Variants in RASSF3 observed in about 807,000 individuals in gnomAD.
RASSF3 encodes ras association domain-containing protein 3.
RASSF3 carries 19 observed loss-of-function variants against 19.9 expected under a neutral mutation model. The ratio of observed to expected loss-of-function variants is 0.96; its 90% CI spans 0.67 to 1.40. The LOEUF is 1.40. Among genes scored for constraint, RASSF3 ranks in the 40% most tolerant of loss-of-function variants. The probability of loss-of-function intolerance (pLI) is 0.00; values close to 1 mark genes in which losing one functional copy is unlikely to be tolerated. For synonymous variants in RASSF3, 110 were observed against 104.2 expected (o/e 1.06, Z -0.34); for missense variants, 306 against 289.8 (o/e 1.06, Z -0.41).
chr12:64,643,395 G>A (rs1871614683), intron 1 of RASSF3, among the ~76,000 whole-genome samples: 1 of 152,068 alleles, frequency 6.6e-6, no homozygotes, highest in South Asian at 2.1e-4. Flanking sequence ...AGAAGCCGGT[G>A]AGGTGGCAAG....
chr12:64,618,643 GT>G (rs200829597), intron 1 of RASSF3, among the ~76,000 whole-genome samples: 1 of 150,462 alleles, frequency 6.6e-6, no homozygotes, highest in African/African-American at 2.4e-5. Flanking sequence ...TTTTGTTTTT[GT>G]TTTTTTTAAA....
At chr12:64,600,263 C>G (rs1210891882) in intron 2 of RASSF3, among the ~76,000 whole-genome samples, 1 of 152,074 alleles carries the variant, frequency 6.6e-6, no homozygotes, top group Non-Finnish European at 1.5e-5. Context: ...CCAGACCAGG[C>G]TGGGCAGCAT....
At chr12:64,605,677 G>T (rs1006946554), upstream of RASSF3, among the ~76,000 whole-genome samples, 1 of 151,982 alleles carries the variant, frequency 6.6e-6, no homozygotes, top group African/African-American at 2.4e-5. Context: ...ATCAACTGAG[G>T]TTGGGAGTTC....
At chr12:64,604,738 C>T (rs993633114) in intron 2 of RASSF3, among the ~76,000 whole-genome samples, 33 of 149,180 alleles carry the variant, frequency 2.2e-4, no homozygotes, top group African/African-American at 8.1e-4. Flanking sequence ...CCCGGGTTCA[C>T]GTCATTCTCC....
chr12:64,578,723 C>T (rs1388737386), intron 2 of RASSF3, among the ~76,000 whole-genome samples: 5 of 152,216 alleles, frequency 3.3e-5, no homozygotes, highest in Non-Finnish European at 7.3e-5. Context: ...ATCCACCTGA[C>T]CCTGAAGGGC....
At chr12:64,606,671 C>G (rs1460443322), upstream of RASSF3, among the ~76,000 whole-genome samples, 4 of 151,936 alleles carry the variant, frequency 2.6e-5, no homozygotes, top group Admixed American at 1.3e-4. Context: ...AAAAATTGGC[C>G]GGGTGAGGCG....
At chr12:64,589,357 G>A (rs1869875627) in intron 2 of RASSF3, among the ~76,000 whole-genome samples, 1 of 152,216 alleles carries the variant, frequency 6.6e-6, no homozygotes, top group East Asian at 1.9e-4. Context: ...GGCTGAGGCA[G>A]GAGAACTGCT....
chr12:64,653,075 C>A (rs1162191479), intron 1 of RASSF3, among the ~76,000 whole-genome samples: 1 of 152,078 alleles, frequency 6.6e-6, no homozygotes, highest in African/African-American at 2.4e-5. Context: ...TCCGAATTTC[C>A]CCTTCTCTTT....
At chr12:64,642,528 C>A (rs990040608) in intron 1 of RASSF3, among the ~76,000 whole-genome samples, 2 of 132,124 alleles carry the variant, frequency 1.5e-5, no homozygotes, top group Admixed American at 8.6e-5. Context: ...CCACTGCACT[C>A]CAGCCTGGGC....
chr12:64,611,712 C>G (rs74098276), intron 1 of RASSF3: 6,590 of 152,344 alleles, frequency 0.043, 492 homozygotes, highest in African/African-American at 0.15. Flanking sequence ...TCTATTAATA[C>G]CGGACTGAGA....
At chr12:64,570,683 G>A (rs1373453426) in intron 2 of RASSF3, among the ~76,000 whole-genome samples, 2 of 152,118 alleles carry the variant, frequency 1.3e-5, no homozygotes, top group Non-Finnish European at 2.9e-5. Context: ...AGCTGCCTGC[G>A]TTTCCCCCAC....
chr12:64,572,555 A>C (rs944912999), intron 2 of RASSF3, among the ~76,000 whole-genome samples: 1 of 152,190 alleles, frequency 6.6e-6, no homozygotes, highest in Admixed American at 6.5e-5. Flanking sequence ...GAATACAGAC[A>C]GTAAATTTTA....
intron 1 of RASSF3, among the ~76,000 whole-genome samples, chr12:64,678,962 T>C (rs535074793): frequency 6.6e-6 from 1 of 152,360 alleles, no homozygotes; most frequent in Admixed American, 6.5e-5. Context: ...TGTGTGATTT[T>C]AGACCTAAGT....
At chr12:64,523,786 C>T (rs1379644024) in intron 1 of RASSF3, among the ~76,000 whole-genome samples, 2 of 149,684 alleles carry the variant, frequency 1.3e-5, no homozygotes, top group Non-Finnish European at 3.0e-5. Flanking sequence ...CAGTGCCTTG[C>T]GGCCTCACAT....
intron 1 of RASSF3, chr12:64,654,280 G>T: frequency 6.6e-6 from 1 of 152,090 alleles, no homozygotes; most frequent in Non-Finnish European, 1.5e-5. Flanking sequence ...TCAGCCTCCT[G>T]AGTAGCTGGG....
intron 1 of RASSF3, among the ~76,000 whole-genome samples, chr12:64,515,231 A>G (rs890973716): frequency 4.6e-5 from 7 of 151,744 alleles, no homozygotes; most frequent in Admixed American, 3.9e-4. Flanking sequence ...TAATTTTTGT[A>G]TTTTTGGTAG....
chr12:64,673,143 C>G (rs1308824571), intron 1 of RASSF3, among the ~76,000 whole-genome samples: 1 of 152,180 alleles, frequency 6.6e-6, no homozygotes, highest in Non-Finnish European at 1.5e-5. Context: ...AAACTTTGAC[C>G]TTAATAAAAA....
chr12:64,674,559 C>T (rs59971675), intron 1 of RASSF3, among the ~76,000 whole-genome samples: 2,734 of 152,106 alleles, frequency 0.018, 95 homozygotes, highest in African/African-American at 0.063. Flanking sequence ...TCAGCCTGGG[C>T]GACAGAGTGA....
intron 1 of RASSF3, among the ~76,000 whole-genome samples, chr12:64,624,981 T>C (rs142870564): frequency 1.6e-4 from 25 of 152,218 alleles, no homozygotes; most frequent in Non-Finnish European, 3.2e-4. Flanking sequence ...ATAGTTATTT[T>C]TAAAAGATCC....
Sources: gnomAD v4.1 joint callset for allele counts (sites outside exome capture counted in the v4.1 genomes callset) on GRCh38, gnomAD v4.1.1 for gene constraint, MANE v1.5 for transcripts, NCBI Gene and HGNC (gene_info 2026-07-23, HGNC 2026-07-21) for gene names.